The following KCNH7 variants were observed in gnomAD, a reference collection of about 807,000 sequenced individuals.
KCNH7 encodes the protein voltage-gated inwardly rectifying potassium channel KCNH7.
Under a neutral mutation model 120.8 loss-of-function variants are expected in KCNH7, and 49 were observed. The observed-to-expected ratio is 0.41, with a 90% CI of 0.32 to 0.51. KCNH7 has a LOEUF of 0.51. KCNH7 is among the 20% of genes least tolerant of loss of function. KCNH7 has a pLI of 0.38. For synonymous variants in KCNH7, 547 were observed against 516.1 expected, an observed-to-expected ratio of 1.06 and a Z score of -0.81; for missense variants, 1,097 against 1,446.6, an observed-to-expected ratio of 0.76 and a Z score of 3.92.
rs531767673 is a variant in KCNH7, at chr2:162,513,832, ATGT to A, written c.893-1161_893-1159del. On this transcript the variant is annotated intron_variant, in intron 4 of 15. Coordinates refer to ENST00000332142, the MANE Select transcript of KCNH7 (RefSeq NM_033272.4). ...TTAAAAAATGTAAACATTTTTGTTAATGTTGTCACAATGAATTCAGTGTAATTA... is the reference window on the plus strand; with the variant it reads ...TTAAAAAATGTAAACATTTTTGTTAATGTCACAATGAATTCAGTGTAATTA... 2.8e-4 allele frequency among the ~76,000 whole-genome samples: 42 copies of A among 151,960 alleles called. No homozygotes were observed. The South Asian group carries it at 6.4e-3, about 23-fold the overall frequency.
chr2:162,579,540 A>C (rs1202811030), intron 2 of KCNH7, among the ~76,000 whole-genome samples: 2 of 152,064 alleles, frequency 1.3e-5, no homozygotes, highest in Non-Finnish European at 2.9e-5. Context: ...AGTGTTTGAC[A>C]TACGGGTTTC....
At chr2:162,707,801 G>A (rs1206819284) in intron 2 of KCNH7, among the ~76,000 whole-genome samples, 1 of 152,102 alleles carries the variant, frequency 6.6e-6, no homozygotes, top group African/African-American at 2.4e-5. Flanking sequence ...CATTTGATCA[G>A]TTCTGGCCAG....
At chr2:162,423,197 T>C in intron 9 of KCNH7, 139 bp downstream of exon 9, 1 of 1,543,824 alleles carries the variant, frequency 6.5e-7, no homozygotes, top group Admixed American at 1.8e-5. Context: ...TGAGAGACTA[T>C]CTCCAGGGGA....
rs1440852836 is a variant in KCNH7 at position 162,702,621 on chromosome 2, T to A, written c.307+133916A>T. On this transcript the variant is annotated intron_variant, in intron 2 of 15. Transcript: ENST00000332142. ...AGAATTTAAGACATGTGTTCCAATA[T>A]TTTAAGAAAAAGAAGTCAAATTCAC... 5.9e-5 allele frequency among the ~76,000 whole-genome samples: 9 copies of A among 152,196 alleles called. 1 individual carries two copies. Among genetic ancestry groups the A allele is most frequent in the Non-Finnish European group, 7.3e-5 (5 of 68,036 alleles).
At chr2:162,471,875 C>G (rs774414206) in intron 6 of KCNH7, among the ~76,000 whole-genome samples, 1 of 152,092 alleles carries the variant, frequency 6.6e-6, no homozygotes, top group Non-Finnish European at 1.5e-5. Flanking sequence ...GCATGGTACT[C>G]TTACCAAAAC....
chr2:162,421,473 T>G (rs187689857), intron 9 of KCNH7, among the ~76,000 whole-genome samples: 1 of 152,184 alleles, frequency 6.6e-6, no homozygotes, highest in Non-Finnish European at 1.5e-5. Flanking sequence ...CTTCCCCAGT[T>G]TCTTGCTTTG....
intron 2 of KCNH7, among the ~76,000 whole-genome samples, chr2:162,739,605 C>T (rs568684253): frequency 6.6e-6 from 1 of 152,152 alleles, no homozygotes; most frequent in Admixed American, 6.5e-5. Context: ...CAGGATTTTT[C>T]TGTCTCCCTT....
chr2:162,690,416 C>T (rs1446255230), intron 2 of KCNH7, among the ~76,000 whole-genome samples: 1 of 151,974 alleles, frequency 6.6e-6, no homozygotes, highest in Non-Finnish European at 1.5e-5. Context: ...CCTTTCAGGG[C>T]CATATTGACT....
intron 6 of KCNH7, among the ~76,000 whole-genome samples, chr2:162,449,538 C>T (rs969702652): frequency 4.0e-5 from 6 of 151,786 alleles, no homozygotes; most frequent in Non-Finnish European, 8.8e-5. Flanking sequence ...TTGGGGTGGG[C>T]CTTAATCCAA....
chr2:162,423,098 A>C (rs1687756585), intron 9 of KCNH7: 2 of 812,270 alleles, frequency 2.5e-6, no homozygotes, highest in South Asian at 4.0e-5. Flanking sequence ...ACTCTACTAC[A>C]CACAGTTATA....
chr2:162,537,797 A>T (rs1234293698), intron 2 of KCNH7, among the ~76,000 whole-genome samples: 1 of 152,146 alleles, frequency 6.6e-6, no homozygotes, highest in Non-Finnish European at 1.5e-5. Flanking sequence ...GTGGAAATGA[A>T]ATAAACAAAG....
chr2:162,573,695 C>T (rs886491955), intron 2 of KCNH7, among the ~76,000 whole-genome samples: 5 of 151,888 alleles, frequency 3.3e-5, no homozygotes, highest in Non-Finnish European at 7.4e-5. Flanking sequence ...AATTATTTAA[C>T]AATAATTTAA....
chr2:162,670,822 G>T (rs566899025), intron 2 of KCNH7, among the ~76,000 whole-genome samples: 13 of 151,598 alleles, frequency 8.6e-5, no homozygotes, highest in African/African-American at 3.1e-4. Context: ...TAAGGTGAAA[G>T]AAATAAAACA....
chr2:162,475,912 G>C (rs1689723767), intron 6 of KCNH7, among the ~76,000 whole-genome samples: 1 of 152,196 alleles, frequency 6.6e-6, no homozygotes, highest in Non-Finnish European at 1.5e-5. Flanking sequence ...GGGCATTGCT[G>C]GTGCTTATCT....
At chr2:162,682,938 G>A (rs1685764003) in intron 2 of KCNH7, among the ~76,000 whole-genome samples, 1 of 151,728 alleles carries the variant, frequency 6.6e-6, no homozygotes, top group South Asian at 2.1e-4. Context: ...ACTTTTTATA[G>A]TGTTCTGGCA....
intron 3 of KCNH7, among the ~76,000 whole-genome samples, chr2:162,521,919 C>G (rs1691542146): frequency 6.6e-6 from 1 of 151,808 alleles, no homozygotes; most frequent in Non-Finnish European, 1.5e-5. Flanking sequence ...ACCCTGCTAC[C>G]CTTCCTATCC....
rs545766249 is a variant in KCNH7 at position 162,569,138 on chromosome 2, G to A, written c.308-32058C>T. 6.8e-3 allele frequency among the ~76,000 whole-genome samples: 1,038 copies of A among 151,916 alleles called. 16 individuals carry two copies. Among genetic ancestry groups the A allele is most frequent in the African/African-American group, 0.024 (976 of 41,456 alleles). ...CCTCCTTGCACCTCTGGTAGAATTC[G>A]GCTGTGAATCCATCTGGTCCTGGAC... On this transcript the variant is annotated intron_variant, in intron 2 of 15. Transcript: ENST00000332142.
At chr2:162,432,506 T>G (rs560097402) in intron 8 of KCNH7, among the ~76,000 whole-genome samples, 2 of 152,090 alleles carry the variant, frequency 1.3e-5, no homozygotes, top group African/African-American at 2.4e-5. Context: ...TTTATTATCA[T>G]GTTGACATTT....
chr2:162,552,113 T>A (rs1030445435), intron 2 of KCNH7, among the ~76,000 whole-genome samples: 31 of 152,188 alleles, frequency 2.0e-4, no homozygotes, highest in African/African-American at 7.0e-4. Flanking sequence ...AATACACTCA[T>A]TAGACAATGA....
Sources: allele counts gnomAD v4.1 joint callset (sites outside exome capture counted in the v4.1 genomes callset), GRCh38; gene constraint gnomAD v4.1.1; transcripts MANE v1.5; gene names NCBI Gene and HGNC (gene_info 2026-07-23, HGNC 2026-07-21).